Variants in ROBO1 observed in about 807,000 individuals in gnomAD.
ROBO1 encodes the protein roundabout homolog 1.
ROBO1 carries 149 observed loss-of-function variants against 195.9 expected under a neutral mutation model. The ratio of observed to expected loss-of-function variants is 0.76; its 90% CI spans 0.67 to 0.87. The LOEUF (loss-of-function observed/expected upper bound fraction) is 0.87. Ranked by LOEUF, ROBO1 falls within the 40% of genes least tolerant of loss-of-function variation. The probability of loss-of-function intolerance (pLI) is 0.00; values close to 1 mark genes in which losing one functional copy is unlikely to be tolerated. For missense variants in ROBO1, 1,933 were observed against 2,068.3 expected (o/e 0.93, Z 1.27); for synonymous variants, 816 against 733.2 (o/e 1.11, Z -1.82).
chr3:79,478,596 T>G (rs892966086), intron 2 of ROBO1, among the ~76,000 whole-genome samples: 1 of 152,184 alleles, frequency 6.6e-6, no homozygotes, highest in Non-Finnish European at 1.5e-5. Flanking sequence ...ATTATTTAAA[T>G]TTTTCAGAAT....
At chr3:78,809,916 A>G (rs2108621184) in intron 4 of ROBO1, among the ~76,000 whole-genome samples, 1 of 151,934 alleles carries the variant, frequency 6.6e-6, no homozygotes, top group African/African-American at 2.4e-5. Flanking sequence ...GCAGCAAACC[A>G]CCATGGCATG....
chr3:79,310,295 TG>T (rs1421834953), intron 2 of ROBO1, among the ~76,000 whole-genome samples: 1 of 152,176 alleles, frequency 6.6e-6, no homozygotes, highest in African/African-American at 2.4e-5. Flanking sequence ...GCTGCTAGTA[TG>T]GAAGAACCTT....
At chr3:78,862,363 T>C (rs796985628) in intron 4 of ROBO1, among the ~76,000 whole-genome samples, 3 of 152,172 alleles carry the variant, frequency 2.0e-5, no homozygotes, top group Non-Finnish European at 4.4e-5. Context: ...TGCCAACAAG[T>C]TGAATGAATT....
At chr3:79,209,572 A>T (rs1369535876) in intron 2 of ROBO1, among the ~76,000 whole-genome samples, 1 of 151,604 alleles carries the variant, frequency 6.6e-6, no homozygotes, top group Non-Finnish European at 1.5e-5. Flanking sequence ...CTTTAAGGAA[A>T]CTCCATACTG....
chr3:78,947,996 AC>A (rs1186684605), intron 3 of ROBO1, among the ~76,000 whole-genome samples: 1 of 152,182 alleles, frequency 6.6e-6, no homozygotes, highest in African/African-American at 2.4e-5. Flanking sequence ...CTCTGAATAG[AC>A]CAATAACAGG....
chr3:78,896,177 G>C (rs2037215875), intron 4 of ROBO1, among the ~76,000 whole-genome samples: 1 of 152,090 alleles, frequency 6.6e-6, no homozygotes, highest in African/African-American at 2.4e-5. Context: ...GATTGTACCA[G>C]GAATTGTAAC....
intron 1 of ROBO1, among the ~76,000 whole-genome samples, chr3:79,640,806 A>T (rs1945637018): frequency 2.0e-5 from 3 of 152,176 alleles, no homozygotes; most frequent in Non-Finnish European, 2.9e-5. Flanking sequence ...GACTCACATT[A>T]CCTATACAAT....
intron 2 of ROBO1, among the ~76,000 whole-genome samples, chr3:79,588,825 T>G (rs938387818): frequency 6.6e-6 from 1 of 151,714 alleles, no homozygotes; most frequent in Non-Finnish European, 1.5e-5. Flanking sequence ...CATGTGAAAA[T>G]GTTTTTAACA....
chr3:78,969,165 G>A (rs544167222), intron 3 of ROBO1, among the ~76,000 whole-genome samples: 7 of 152,190 alleles, frequency 4.6e-5, no homozygotes, highest in African/African-American at 9.6e-5. Context: ...TTAAATATAA[G>A]AAGATAGTTA....
At chr3:79,144,381 G>A (rs115616666) in intron 2 of ROBO1, among the ~76,000 whole-genome samples, 4 of 152,048 alleles carry the variant, frequency 2.6e-5, no homozygotes, top group Admixed American at 6.6e-5. Flanking sequence ...CTGAGAGCTC[G>A]TTCCTTTTCT....
intron 2 of ROBO1, among the ~76,000 whole-genome samples, chr3:79,352,382 C>T (rs968885272): frequency 2.0e-5 from 3 of 152,158 alleles, no homozygotes; most frequent in Non-Finnish European, 4.4e-5. Context: ...AGGTATCCAT[C>T]GCTCAGCTTC....
intron 29 of ROBO1, among the ~76,000 whole-genome samples, chr3:78,605,030 T>A (rs1301548295): frequency 6.6e-6 from 1 of 152,208 alleles, no homozygotes. Flanking sequence ...AGAAAGAGCT[T>A]ACTTGTGCTC....
At chr3:78,761,356 C>T (rs920415949) in intron 4 of ROBO1, among the ~76,000 whole-genome samples, 5 of 151,962 alleles carry the variant, frequency 3.3e-5, no homozygotes, top group Non-Finnish European at 5.9e-5. Flanking sequence ...GGAACAGCAA[C>T]GCTTTTTATA....
In ROBO1 at chr3:79,625,423, GAAAAA is replaced by G; in HGVS notation, c.-50-35467_-50-35463del. The stretch of plus-strand genomic sequence containing the variant: ...AAGTAATCCAGTAGCTGTTTTTTTT[GAAAAA>G]AAAAAAAAAAAAAAAAGCAAAATAG... On this transcript the variant is annotated intron_variant, in intron 1 of 30. Transcript: ENST00000464233. Among the ~76,000 whole-genome samples the G allele has an allele frequency of 7.8e-3, 109 of 13,886 alleles. 2 individuals carry two copies. The Middle Eastern group carries it at 0.17, about 21-fold the overall frequency. The allele number at this position is 13,886 out of a possible 152,430, so 9.1% of individuals were successfully genotyped here. A position where few individuals can be genotyped will look rare whatever the true frequency, so the allele number is the denominator to read the frequency against.
chr3:79,081,440 T>C (rs2079273107), intron 3 of ROBO1, among the ~76,000 whole-genome samples: 1 of 152,170 alleles, frequency 6.6e-6, no homozygotes, highest in African/African-American at 2.4e-5. Context: ...AGTTCAGTTC[T>C]GGAAAAAGAT....
intron 4 of ROBO1, among the ~76,000 whole-genome samples, chr3:78,878,393 C>A (rs988017266): frequency 6.6e-6 from 1 of 151,966 alleles, no homozygotes; most frequent in Non-Finnish European, 1.5e-5. Flanking sequence ...TGAGACCAGC[C>A]TGGCCAACAT....
intron 2 of ROBO1, among the ~76,000 whole-genome samples, chr3:79,205,033 C>T (rs139293266): frequency 1.8e-4 from 27 of 152,170 alleles, no homozygotes; most frequent in Admixed American, 5.2e-4. Context: ...CACTCTGTCG[C>T]CTAGGCTGGA....
chr3:78,868,770 C>T (rs1253353349), intron 4 of ROBO1, among the ~76,000 whole-genome samples: 1 of 152,060 alleles, frequency 6.6e-6, no homozygotes, highest in Non-Finnish European at 1.5e-5. Flanking sequence ...AGCTGTCTTC[C>T]ATTACATATA....
At chr3:78,901,946 C>T (rs191889891) in intron 4 of ROBO1, among the ~76,000 whole-genome samples, 6 of 152,160 alleles carry the variant, frequency 3.9e-5, no homozygotes, top group Admixed American at 1.3e-4. Flanking sequence ...CAGGAAATTA[C>T]GTTTATTTCA....
Sources: gnomAD v4.1 joint callset for allele counts (sites outside exome capture counted in the v4.1 genomes callset) on GRCh38, gnomAD v4.1.1 for gene constraint, MANE v1.5 for transcripts, NCBI Gene and HGNC (gene_info 2026-07-23, HGNC 2026-07-21) for gene names.